Variants in CNTN6 observed in about 807,000 individuals in gnomAD.
The protein encoded by CNTN6 is contactin 6.
In CNTN6, 137 loss-of-function variants were observed where a neutral mutation model predicts 122.8. The observed-to-expected ratio is 1.12, with a 90% CI of 0.97 to 1.29. The LOEUF is 1.29. Among genes scored for constraint, CNTN6 ranks in the 50% most tolerant of loss-of-function variants. CNTN6 has a pLI of 0.00. For synonymous variants in CNTN6, 570 were observed against 426.0 expected (o/e 1.34, Z -4.16); for missense variants, 1,634 against 1,223.4 (o/e 1.34, Z -5.01).
chr3:1,248,690 G>C (rs903507626), intron 4 of CNTN6, among the ~76,000 whole-genome samples: 3 of 151,754 alleles, frequency 2.0e-5, no homozygotes, highest in African/African-American at 7.3e-5. Context: ...TGTGGTGGTG[G>C]GCGCCTGTAA....
intron 7 of CNTN6, among the ~76,000 whole-genome samples, chr3:1,299,321 C>A (rs912122483): frequency 6.6e-6 from 1 of 151,884 alleles, no homozygotes; most frequent in Non-Finnish European, 1.5e-5. Flanking sequence ...TCATCAAATT[C>A]TTTGATAATT....
intron 12 of CNTN6, 140 bp downstream of exon 12, chr3:1,352,591 C>A: frequency 2.1e-6 from 2 of 953,514 alleles, no homozygotes; most frequent in Non-Finnish European, 3.1e-6. Context: ...GATCCATTCC[C>A]GTACTCATTA....
chr3:1,384,213 T>C (rs1273876091), intron 19 of CNTN6, among the ~76,000 whole-genome samples: 2 of 152,202 alleles, frequency 1.3e-5, no homozygotes, highest in African/African-American at 4.8e-5. Flanking sequence ...AGATCTCATA[T>C]TAAGTGTTCT....
At chr3:1,129,235 A>T (rs747427463) in intron 1 of CNTN6, among the ~76,000 whole-genome samples, 46 of 152,092 alleles carry the variant, frequency 3.0e-4, no homozygotes, top group Admixed American at 3.3e-4. Context: ...CAAAAACTTC[A>T]GCATATGCTG....
intron 4 of CNTN6, among the ~76,000 whole-genome samples, chr3:1,233,928 T>C (rs1245422738): frequency 6.6e-6 from 1 of 152,056 alleles, no homozygotes; most frequent in African/African-American, 2.4e-5. Context: ...ACAGGATTGA[T>C]TTTAAATGGT....
At chr3:1,243,673 T>G (rs2094519438) in intron 4 of CNTN6, among the ~76,000 whole-genome samples, 1 of 152,128 alleles carries the variant, frequency 6.6e-6, no homozygotes, top group Admixed American at 6.6e-5. Flanking sequence ...AAAGAAGCAT[T>G]AACCTTGACT....
chr3:1,310,741 C>T (rs1268531376), intron 7 of CNTN6, among the ~76,000 whole-genome samples: 2 of 152,130 alleles, frequency 1.3e-5, no homozygotes, highest in Non-Finnish European at 2.9e-5. Flanking sequence ...GTGGCTCATG[C>T]CTGTAATCCC....
At chr3:1,131,426 TGA>T in intron 1 of CNTN6, among the ~76,000 whole-genome samples, 1 of 78 alleles carries the variant, frequency 0.013, no homozygotes, top group South Asian at 0.5. Context: ...TTGCTCTCCT[TGA>T]CCTTGAGTTA....
chr3:1,300,497 A>AAGG (rs1697064058), intron 7 of CNTN6, among the ~76,000 whole-genome samples: 1 of 145,356 alleles, frequency 6.9e-6, no homozygotes, highest in Non-Finnish European at 1.5e-5. Flanking sequence ...GGAAGGAAAA[A>AAGG]GAAAAGAAAG....
chr3:1,375,471 G>A (rs758961880), intron 16 of CNTN6, among the ~76,000 whole-genome samples: 2 of 152,024 alleles, frequency 1.3e-5, no homozygotes, highest in African/African-American at 2.4e-5. Context: ...TTAGGCTTAA[G>A]TACAATTAAT....
chr3:1,225,838 G>A (rs899857232), intron 3 of CNTN6, among the ~76,000 whole-genome samples: 2 of 151,958 alleles, frequency 1.3e-5, no homozygotes, highest in Admixed American at 1.3e-4. Context: ...ACTTCCAGGT[G>A]TGCAGGAAAT....
chr3:1,200,367 C>A (rs1011403918), intron 2 of CNTN6, among the ~76,000 whole-genome samples: 2 of 152,168 alleles, frequency 1.3e-5, no homozygotes, highest in Admixed American at 6.5e-5. Flanking sequence ...CTTTGGAGAG[C>A]TGCATCTACT....
At position 1,115,239 on chromosome 3, in the gene CNTN6, A is replaced by G. The variant is rs564311712; in HGVS notation, c.-83+22119A>G. ...CAGAGTTAGCCTTGATAACCTAAGA[A>G]GAAAGCCCACAAGTCAACAAGCCAC... On this transcript the variant is annotated intron_variant, in intron 1 of 22. Transcript: ENST00000446702. 2.6e-3 allele frequency among the ~76,000 whole-genome samples: 402 copies of G among 152,310 alleles called. 2 individuals are homozygous for G. Among genetic ancestry groups the G allele is most frequent in the African/African-American group, 9.2e-3 (384 of 41,568 alleles).
intron 7 of CNTN6, among the ~76,000 whole-genome samples, chr3:1,313,332 A>G (rs941256374): frequency 2.6e-5 from 4 of 152,110 alleles, no homozygotes; most frequent in African/African-American, 7.2e-5. Flanking sequence ...AAAGGAGTAG[A>G]AATTGGTAGT....
Position 1,403,455 on chromosome 3 carries a change from G to GGGTC in CNTN6, c.*37_*38insGGTC. 7.2e-7 allele frequency: 1 copy of GGGTC among 1,391,068 alleles called. No individual in the cohort carries two copies. Among genetic ancestry groups the GGGTC allele is most frequent in the South Asian group, 1.2e-5 (1 of 85,828 alleles). 86.2% of individuals were successfully genotyped at this position (1,391,068 alleles called of 1,614,324 possible). A position where few individuals can be genotyped will look rare whatever the true frequency, so the allele number is the denominator to read the frequency against. On this transcript the variant is annotated 3_prime_UTR_variant, in exon 23 of 23. Transcript: ENST00000446702. ...ATAAATCTTTGAGAGTTTTTTGAAA[G>GGGTC]CAAATCATTCTGTATATATGCTCTC...
At chr3:1,273,181 T>C (rs2125765145) in intron 4 of CNTN6, among the ~76,000 whole-genome samples, 1 of 152,284 alleles carries the variant, frequency 6.6e-6, no homozygotes, top group Admixed American at 6.5e-5. Flanking sequence ...TCAAGGTCAT[T>C]AACAGCAACC....
intron 4 of CNTN6, among the ~76,000 whole-genome samples, chr3:1,259,956 C>T (rs929738564): frequency 2.0e-5 from 3 of 152,046 alleles, no homozygotes; most frequent in African/African-American, 7.2e-5. Context: ...GTTAAAACTG[C>T]TTTGAATTTG....
At chr3:1,250,841 G>T (rs1157736720) in intron 4 of CNTN6, among the ~76,000 whole-genome samples, 1 of 152,136 alleles carries the variant, frequency 6.6e-6, no homozygotes, top group East Asian at 1.9e-4. Context: ...CTGAACTGCT[G>T]ATTCTTTTCT....
intron 2 of CNTN6, among the ~76,000 whole-genome samples, chr3:1,174,359 G>A (rs115963847): frequency 0.01 from 1,553 of 152,246 alleles, 36 homozygotes; most frequent in African/African-American, 0.036. Flanking sequence ...GAGAGGTCAC[G>A]TTAAGAGTTA....
Sources: allele counts gnomAD v4.1 joint callset (sites outside exome capture counted in the v4.1 genomes callset), GRCh38; gene constraint gnomAD v4.1.1; transcripts MANE v1.5; gene names NCBI Gene and HGNC (gene_info 2026-07-23, HGNC 2026-07-21).